The following FNDC1 variants were observed in gnomAD, a reference collection of about 807,000 sequenced individuals.
The protein encoded by FNDC1 is fibronectin type III domain-containing protein 1.
In FNDC1, 96 loss-of-function variants were observed where a neutral mutation model predicts 168.0. The ratio of observed to expected loss-of-function variants is 0.57; its 90% CI spans 0.48 to 0.68. The LOEUF is 0.68. FNDC1 is among the 30% of genes least tolerant of loss of function. The pLI, the probability that FNDC1 is intolerant of heterozygous loss-of-function variation, is 0.00. For synonymous variants in FNDC1, 1,099 were observed against 1,025.9 expected (o/e 1.07, Z -1.36); for missense variants, 2,587 against 2,482.1 (o/e 1.04, Z -0.90).
rs1052111551 is a variant in FNDC1 at position 159,208,109 on chromosome 6, C to T, written c.461-6836C>T. Among the ~76,000 whole-genome samples, 7 of 152,256 alleles carry T rather than the reference C, an allele frequency of 4.6e-5. No individual in the cohort carries two copies. The South Asian group carries it at 8.3e-4, about 18-fold the overall frequency. On this transcript the variant is annotated intron_variant, in intron 4 of 22. Coordinates refer to ENST00000297267, the MANE Select transcript of FNDC1 (RefSeq NM_032532.3). ...TGACTCTATACACTCACGCCAATAA[C>T]GGAGGAAACTTTCATATCCAGTCCC... is the stretch of plus-strand genomic sequence containing the variant.
At chr6:159,263,630 C>T (rs1335433584) in intron 19 of FNDC1, among the ~76,000 whole-genome samples, 9 of 151,898 alleles carry the variant, frequency 5.9e-5, no homozygotes, top group African/African-American at 1.2e-4. Flanking sequence ...GGTGTGGTGG[C>T]GGGCGCCTGT....
chr6:159,225,551 T>C lies in FNDC1; in HGVS notation c.901T>C (p.Tyr301His), dbSNP rs762922096. 12 of 1,613,308 alleles carry C rather than the reference T, an allele frequency of 7.4e-6. No individual in the cohort carries two copies. In the South Asian group the frequency reaches 7.7e-5, roughly 10 times the overall value. Reference protein sequence around the residue: ...VVASRQYTVRYREKGELARWD... With the variant: ...VVASRQYTVRHREKGELARWD... Reference sequence around the variant, plus strand: ...TTCTTACAGACAGTACACCGTGCGCTATCGAGAGAAGGGGGAATTGGCCAG... The same window carrying C: ...TTCTTACAGACAGTACACCGTGCGCCATCGAGAGAAGGGGGAATTGGCCAG... The change falls in exon 8 of 23, where the codon TAT (tyrosine) becomes CAT (histidine). Residue 301 changes from tyrosine to histidine, a missense_variant. Physicochemically the swap from Tyr to His is moderately conservative, Grantham distance 83. Transcript: ENST00000297267.
At chr6:159,182,972 C>A (rs192540059) in intron 1 of FNDC1, among the ~76,000 whole-genome samples, 1 of 152,156 alleles carries the variant, frequency 6.6e-6, no homozygotes, top group African/African-American at 2.4e-5. Context: ...CTGCTGTGTG[C>A]GGAGGGAGAA....
chr6:159,222,984 AT>A (rs201310702), intron 6 of FNDC1, among the ~76,000 whole-genome samples: 4,319 of 114,138 alleles, frequency 0.038, 31 homozygotes, highest in Non-Finnish European at 0.062. Flanking sequence ...TGAAATACTC[AT>A]TTTTTTTTTT....
At chr6:159,219,931 A>C (rs1782785717) in intron 5 of FNDC1, among the ~76,000 whole-genome samples, 1 of 152,172 alleles carries the variant, frequency 6.6e-6, no homozygotes, top group Non-Finnish European at 1.5e-5. Flanking sequence ...TGTCAATAGC[A>C]CCGAGTAATG....
chr6:159,236,526 G>C (rs1398786270), intron 12 of FNDC1, among the ~76,000 whole-genome samples: 4 of 152,218 alleles, frequency 2.6e-5, no homozygotes, highest in African/African-American at 9.7e-5. Flanking sequence ...TCATAGCCAA[G>C]ATAAGGCATG....
intron 16 of FNDC1, 59 bp from the exon 17 acceptor site, chr6:159,251,243 G>A: frequency 7.7e-7 from 1 of 1,294,758 alleles, no homozygotes; most frequent in South Asian, 1.3e-5. Flanking sequence ...CAGATGCTAT[G>A]TTTCTGCCTC....
intron 9 of FNDC1, among the ~76,000 whole-genome samples, chr6:159,228,038 T>A (rs1263586825): frequency 1.3e-5 from 2 of 152,184 alleles, no homozygotes; most frequent in Non-Finnish European, 2.9e-5. Flanking sequence ...ATAAAGACTT[T>A]TTTTTTGCTA....
Position 159,233,388 on chromosome 6 carries a change from A to G in FNDC1, c.2876A>G (p.Asp959Gly). ...AQDVQQSTDA[D>G]TEGHSPKAQP... is the part of the protein sequence containing the mutation. ...GATGTTCAACAGAGCACAGACGCGG[A>G]CACGGAGGGTCATTCTCCCAAAGCA... Residue 959 changes from aspartate (D) to glycine (G), a missense_variant, in exon 11 of 23, where the codon GAC becomes GGC. Physicochemically the swap from Asp to Gly is moderately conservative, Grantham distance 94. Coordinates refer to ENST00000297267, the MANE Select transcript of FNDC1 (RefSeq NM_032532.3). This position sits in a 1 kb window ranked among gnomAD's most constrained non-coding sequence, Gnocchi z 4.6. 1.2e-6 allele frequency: 2 copies of G among 1,613,638 alleles called. No homozygotes were observed. The highest frequency in any genetic ancestry group is 1.7e-6 in the Non-Finnish European group (2 of 1,179,824).
rs1192921667 is a variant in FNDC1 at position 159,256,583 on chromosome 6, C to G, written c.5126C>G (p.Ala1709Gly). The G allele has an allele frequency of 6.2e-7, 1 of 1,613,872 alleles. No homozygotes were observed. Among genetic ancestry groups the G allele is most frequent in the African/African-American group, 1.3e-5 (1 of 74,928 alleles). Residue 1709 changes from alanine to glycine, a missense_variant, in exon 18 of 23, where the codon GCT (alanine) becomes GGT (glycine). Ala to Gly is a moderately conservative substitution (Grantham distance 60). Transcript: ENST00000297267. Reference sequence around the variant, plus strand: ...ATCAGGAACAAGTGGTCCACTCAAGCTTCATCAGTAACTCACTTGCCCATT... The same window carrying G: ...ATCAGGAACAAGTGGTCCACTCAAGGTTCATCAGTAACTCACTTGCCCATT... ...DFIRNKWSTQ[A>G]SSVTHLPIEN...
At position 159,199,984 on chromosome 6, in the gene FNDC1, C is replaced by A; in HGVS notation, c.305-12C>A. The A allele has an allele frequency of 6.3e-7, 1 of 1,596,022 alleles. No individual in the cohort carries two copies. Among genetic ancestry groups the A allele is most frequent in the Non-Finnish European group, 8.5e-7 (1 of 1,170,136 alleles). On this transcript the variant is annotated splice_polypyrimidine_tract_variant and intron_variant, in intron 2 of 22. Transcript: ENST00000297267. The stretch of plus-strand genomic sequence containing the variant: ...TCTGAATTGGTGGCTTGATATGAAC[C>A]GTATGTTTCAGAGCCGGGGGTAGTG...
intron 16 of FNDC1, among the ~76,000 whole-genome samples, chr6:159,250,990 T>C (rs1322342586): frequency 1.3e-5 from 2 of 152,364 alleles, no homozygotes; most frequent in East Asian, 3.9e-4. Context: ...GGCACAGGAA[T>C]GGCAGCGAGC....
intron 4 of FNDC1, among the ~76,000 whole-genome samples, chr6:159,203,965 G>A (rs1782429267): frequency 6.6e-6 from 1 of 152,148 alleles, no homozygotes; most frequent in African/African-American, 2.4e-5. Flanking sequence ...TCATTTTTAA[G>A]GTTTTTCTAA....
intron 1 of FNDC1, among the ~76,000 whole-genome samples, chr6:159,182,152 G>C (rs1476626568): frequency 6.6e-6 from 1 of 152,152 alleles, no homozygotes; most frequent in African/African-American, 2.4e-5. Flanking sequence ...CACTTTCAAT[G>C]CTAGCACCTA....
intron 4 of FNDC1, among the ~76,000 whole-genome samples, chr6:159,209,469 A>T (rs975832365): frequency 3.3e-5 from 5 of 152,210 alleles, no homozygotes; most frequent in Non-Finnish European, 5.9e-5. Context: ...GGGGGCACAG[A>T]TGCTGGCAGC....
Position 159,234,049 on chromosome 6 carries a change from C to CG in FNDC1, c.3538dup (p.Asp1180GlyfsTer10), listed in dbSNP as rs1380475396. The CG allele has an allele frequency of 1.1e-6, 1 of 935,650 alleles. No individual in the cohort carries two copies. Among genetic ancestry groups the CG allele is most frequent in the East Asian group, 2.6e-5 (1 of 39,190 alleles). The allele number at this position is 935,650 out of a possible 1,614,324, so 58.0% of individuals were successfully genotyped here. A position where few individuals can be genotyped will look rare whatever the true frequency, so the allele number is the denominator to read the frequency against. ...CCCAGCAGTCGGTCTCAGCCGAGGA[C>CG]GACGAGGAGGAGGACGCGGGATTTT... On this transcript the variant is annotated frameshift_variant, in exon 11 of 23. Transcript: ENST00000297267. LOFTEE classifies it high-confidence loss of function.
At chr6:159,262,268 C>T (rs1777502322) in intron 19 of FNDC1, among the ~76,000 whole-genome samples, 1 of 152,182 alleles carries the variant, frequency 6.6e-6, no homozygotes, top group Non-Finnish European at 1.5e-5. Context: ...GGCTAGGTTA[C>T]CTTCTACATG....
chr6:159,195,999 T>G (rs1390176971), intron 1 of FNDC1, among the ~76,000 whole-genome samples: 1 of 152,242 alleles, frequency 6.6e-6, no homozygotes. Flanking sequence ...AAATGTTGGA[T>G]TCCTGGGAAT....
chr6:159,217,529 T>C (rs985780443), intron 5 of FNDC1, among the ~76,000 whole-genome samples: 1 of 152,104 alleles, frequency 6.6e-6, no homozygotes, highest in African/African-American at 2.4e-5. Flanking sequence ...ATTGGGTGGA[T>C]GGTCACATCA....
Sources: allele counts gnomAD v4.1 joint callset (sites outside exome capture counted in the v4.1 genomes callset), GRCh38; gene constraint gnomAD v4.1.1; non-coding constraint Gnocchi (gnomAD v3.1); transcripts MANE v1.5; gene names NCBI Gene and HGNC (gene_info 2026-07-23, HGNC 2026-07-21).